Variants in ANKRD30A observed in about 807,000 individuals in gnomAD.
The protein encoded by ANKRD30A is ankyrin repeat domain-containing protein 30A.
A neutral mutation model predicts 166.3 loss-of-function variants in ANKRD30A; 170 were observed. The ratio of observed to expected loss-of-function variants is 1.02; its 90% CI spans 0.90 to 1.16. ANKRD30A has a LOEUF of 1.16. Ranked by LOEUF, ANKRD30A falls within the 50% of genes most tolerant of loss-of-function variation. The probability of loss-of-function intolerance (pLI) is 0.00; values close to 1 mark genes in which losing one functional copy is unlikely to be tolerated. For synonymous variants in ANKRD30A, 564 were observed against 508.9 expected (o/e 1.11, Z -1.46); for missense variants, 1,630 against 1,518.0 (o/e 1.07, Z -1.23).
At chr10:37,141,630 T>C (rs1837127774) in intron 6 of ANKRD30A, 88 bp from the exon 7 acceptor site, 5 of 1,261,880 alleles carry the variant, frequency 4.0e-6, no homozygotes, top group African/African-American at 3.1e-5. Context: ...AAGGAAAGCA[T>C]ACAGAATGAG....
In ANKRD30A at chr10:37,219,866, A is replaced by G. The variant is rs1320594646; in HGVS notation, c.4154A>G (p.Tyr1385Cys). The G allele has an allele frequency of 6.5e-7, 1 of 1,539,004 alleles. No individual in the cohort carries two copies. The highest frequency in any genetic ancestry group is 8.7e-7 in the Non-Finnish European group (1 of 1,143,138). The change falls in exon 34 of 36, where the codon TAT becomes TGT. Residue 1385 changes from tyrosine (Y) to cysteine (C), a missense_variant. Transcript: ENST00000361713. ...NYNNHLKNRIYQYEKEKAETE... is the reference protein window; with the variant it reads ...NYNNHLKNRICQYEKEKAETE... ...AATAACCATTTAAAAAACCGTATAT[A>G]TCAATATGAAAAAGAGAAAGCAGAA...
intron 4 of ANKRD30A, 63 bp downstream of exon 4, chr10:37,132,409 G>A: frequency 1.1e-6 from 1 of 907,784 alleles, no homozygotes; most frequent in Non-Finnish European, 1.6e-6. Flanking sequence ...TAACACTCAA[G>A]TCAGAAATAT....
At chr10:37,127,619 T>C (rs572374921) in intron 1 of ANKRD30A, among the ~76,000 whole-genome samples, 1 of 152,274 alleles carries the variant, frequency 6.6e-6, no homozygotes, top group Non-Finnish European at 1.5e-5. Flanking sequence ...AAATTAGAGA[T>C]CTAAATTGCA....
intron 8 of ANKRD30A, 76 bp from the exon 9 acceptor site, chr10:37,147,293 TA>T (rs902913459): frequency 2.5e-6 from 3 of 1,179,418 alleles, no homozygotes; most frequent in African/African-American, 1.6e-5. Context: ...AAATTGAGTT[TA>T]AAAAATATTT....
chr10:37,260,844 C>T, the ANKRD30A span, among the ~76,000 whole-genome samples: 1 of 151,940 alleles, frequency 6.6e-6, no homozygotes, highest in Non-Finnish European at 1.5e-5. Flanking sequence ...GGGAACTAAA[C>T]ATTGAGTATG....
chr10:37,139,720 TATTGATTG>T (rs957381152), intron 6 of ANKRD30A, among the ~76,000 whole-genome samples: 1 of 152,202 alleles, frequency 6.6e-6, no homozygotes, highest in Non-Finnish European at 1.5e-5. Context: ...AACATGGTTT[TATTGATTG>T]ATTGATTGAT....
At chr10:37,237,274 T>G (rs1843706759), downstream of ANKRD30A, among the ~76,000 whole-genome samples, 1 of 152,244 alleles carries the variant, frequency 6.6e-6, no homozygotes, top group African/African-American at 2.4e-5. Flanking sequence ...GAGTTTGTGT[T>G]GCCTCTTTTG....
intron 31 of ANKRD30A, among the ~76,000 whole-genome samples, chr10:37,215,889 A>G (rs1178220420): frequency 6.6e-6 from 1 of 151,096 alleles, no homozygotes; most frequent in Non-Finnish European, 1.5e-5. Context: ...CCTCAGGGGA[A>G]TTTTCTGTGG....
intron 32 of ANKRD30A, 83 bp downstream of exon 32, chr10:37,216,477 C>T (rs1310196152): frequency 7.5e-7 from 1 of 1,324,720 alleles, no homozygotes; most frequent in Non-Finnish European, 1.0e-6. Flanking sequence ...GCTGACTTAC[C>T]TTCTGAGGTT....
intron 8 of ANKRD30A, among the ~76,000 whole-genome samples, chr10:37,147,043 T>C (rs1837555387): frequency 6.6e-6 from 1 of 152,262 alleles, no homozygotes; most frequent in African/African-American, 2.4e-5. Context: ...TGATGTGCCT[T>C]CTTGATTTTT....
At chr10:37,204,685 A>G (rs1841873430) in intron 31 of ANKRD30A, among the ~76,000 whole-genome samples, 1 of 152,150 alleles carries the variant, frequency 6.6e-6, no homozygotes, top group African/African-American at 2.4e-5. Flanking sequence ...TGAACAGGCA[A>G]CCTTTTTGCA....
chr10:37,152,163 T>G (rs779717572), intron 12 of ANKRD30A, 42 bp downstream of exon 12: 1 of 1,481,118 alleles, frequency 6.8e-7, no homozygotes, highest in South Asian at 1.2e-5. Flanking sequence ...TAGTATTGCA[T>G]GATATGAAAA....
Position 37,162,132 on chromosome 10 carries a change from A to G in ANKRD30A, c.1901-517A>G, listed in dbSNP as rs147988771. 3.7e-3 allele frequency among the ~76,000 whole-genome samples: 566 copies of G among 152,276 alleles called. 2 individuals carry two copies. Among genetic ancestry groups the G allele is most frequent in the Admixed American group, 6.2e-3 (95 of 15,292 alleles). On this transcript the variant is annotated intron_variant, in intron 15 of 35. Transcript: ENST00000361713. Reference sequence around the variant, plus strand: ...AGAAATATAGGCATATGATTACACCATATGGTTATGGAAAAAAACAAATAT... The same window carrying G: ...AGAAATATAGGCATATGATTACACCGTATGGTTATGGAAAAAAACAAATAT...
downstream of ANKRD30A, among the ~76,000 whole-genome samples, chr10:37,234,016 T>C (rs1198532910): frequency 6.6e-6 from 1 of 152,184 alleles, no homozygotes; most frequent in African/African-American, 2.4e-5. Flanking sequence ...TGAAGGACTA[T>C]CTTATACAGC....
At chr10:37,196,098 T>TTTA (rs1841075936) in intron 27 of ANKRD30A, among the ~76,000 whole-genome samples, 1 of 148,080 alleles carries the variant, frequency 6.8e-6, no homozygotes, top group South Asian at 2.1e-4. Flanking sequence ...TTTCTATTTT[T>TTTA]TTTTTTTTTT....
At chr10:37,237,685 TA>T in the ANKRD30A span, among the ~76,000 whole-genome samples, 1 of 152,238 alleles carries the variant, frequency 6.6e-6, no homozygotes, top group Non-Finnish European at 1.5e-5. Context: ...GTGTTATTCA[TA>T]AAATTAGGTT....
chr10:37,231,313 G>T, intron 34 of ANKRD30A, 148 bp from the exon 35 acceptor site: 1 of 475,100 alleles, frequency 2.1e-6, no homozygotes, highest in Non-Finnish European at 3.7e-6. Flanking sequence ...CACTAGGCAT[G>T]CTCTCACACA....
rs1842778892 is a variant in ANKRD30A at position 37,219,512 on chromosome 10, T to C, written c.3800T>C (p.Leu1267Pro). The C allele has an allele frequency of 6.2e-7, 1 of 1,610,140 alleles. No individual in the cohort carries two copies. Among genetic ancestry groups the C allele is most frequent in the Non-Finnish European group, 8.5e-7 (1 of 1,177,690 alleles). Residue 1267 changes from leucine (L) to proline (P), a missense_variant, in exon 34 of 36, where the codon CTC (leucine) becomes CCC (proline). Coordinates refer to ENST00000361713, the MANE Select transcript of ANKRD30A (RefSeq NM_052997.3). The part of the protein sequence containing the change: ...QRKSKSLKIN[L>P]NYAGDALREN... ...AAATCCAAAAGCCTAAAAATTAATCTCAATTATGCAGGAGATGCTCTAAGA... is the reference window on the plus strand; with the variant it reads ...AAATCCAAAAGCCTAAAAATTAATCCCAATTATGCAGGAGATGCTCTAAGA...
chr10:37,149,220 C>T (rs1588791467), intron 9 of ANKRD30A, among the ~76,000 whole-genome samples: 3 of 152,008 alleles, frequency 2.0e-5, no homozygotes, highest in Admixed American at 6.6e-5. Flanking sequence ...TAACACTTCA[C>T]TGATGAGATG....
Sources: allele counts gnomAD v4.1 joint callset (sites outside exome capture counted in the v4.1 genomes callset), GRCh38; gene constraint gnomAD v4.1.1; transcripts MANE v1.5; gene names NCBI Gene and HGNC (gene_info 2026-07-23, HGNC 2026-07-21).